The following FAM133B variants were observed in gnomAD, a reference collection of about 807,000 sequenced individuals.
The protein encoded by FAM133B is family with sequence similarity 133 member B.
Under a neutral mutation model 46.4 loss-of-function variants are expected in FAM133B, and 25 were observed. The ratio of observed to expected loss-of-function variants is 0.54; its 90% confidence interval spans 0.39 to 0.75. The LOEUF (loss-of-function observed/expected upper bound fraction) is 0.75, where lower values mean the gene tolerates loss of function less well. FAM133B is among the 30% of genes least tolerant of loss of function. FAM133B has a pLI of 0.00. For synonymous variants in FAM133B, 75 were observed against 86.0 expected, an observed-to-expected ratio of 0.87 and a Z score of 0.71; for missense variants, 205 against 277.6, an observed-to-expected ratio of 0.74 and a Z score of 1.86.
chr7:92,587,089 T>C (rs1301645175), intron 1 of FAM133B, among the ~76,000 whole-genome samples: 1 of 151,490 alleles, frequency 6.6e-6, no homozygotes, highest in Non-Finnish European at 1.5e-5. Context: ...TGGAGGTATA[T>C]GGGAACCCTC....
rs1795127613 is a variant in FAM133B, at chr7:92,589,468, T to C, written c.24+800A>G. Among the ~76,000 whole-genome samples the C allele has an allele frequency of 3.3e-5, 5 of 152,370 alleles. No individual in the cohort carries two copies. In the South Asian group the frequency reaches 1.0e-3, roughly 32 times the overall value. ...TCATTCACTAGAGTAATAATTTTCA[T>C]GCCCAGTACTCGCTCACACATCTTG... On this transcript the variant is annotated intron_variant, in intron 1 of 10. Coordinates refer to ENST00000445716, the MANE Select transcript of FAM133B (RefSeq NM_152789.4).
intron 2 of FAM133B, among the ~76,000 whole-genome samples, chr7:92,581,167 T>C (rs994336074): frequency 6.6e-6 from 1 of 152,256 alleles, no homozygotes; most frequent in Non-Finnish European, 1.5e-5. Context: ...TTATTCTTCC[T>C]GCTATCTGGT....
Position 92,589,284 on chromosome 7 carries a change from T to C in FAM133B, c.24+984A>G, listed in dbSNP as rs371250033. The stretch of plus-strand genomic sequence containing the variant: ...ATTCAATCTGATTCATAACCTGAGT[T>C]TTTCAGCCCCCTCCCCGCCCCAGCG... On this transcript the variant is annotated intron_variant, in intron 1 of 10. Transcript: ENST00000445716. Among the ~76,000 whole-genome samples, 12 of 152,254 alleles carry C rather than the reference T, an allele frequency of 7.9e-5. No homozygotes were observed. In the East Asian group the frequency reaches 1.9e-3, roughly 24 times the overall value.
chr7:92,588,010 A>G (rs1795085683), intron 1 of FAM133B, among the ~76,000 whole-genome samples: 1 of 152,236 alleles, frequency 6.6e-6, no homozygotes, highest in African/African-American at 2.4e-5. Context: ...ATCAAGAGTT[A>G]AGATGTACAG....
intron 10 of FAM133B, among the ~76,000 whole-genome samples, chr7:92,564,161 T>C (rs1273798436): frequency 2.0e-5 from 3 of 152,174 alleles, no homozygotes; most frequent in Middle Eastern, 3.2e-3. Flanking sequence ...CTCAAATATA[T>C]CAAGCTTATT....
chr7:92,578,501 C>T, intron 3 of FAM133B, 108 bp from the exon 4 acceptor site: 1 of 928,824 alleles, frequency 1.1e-6, no homozygotes, highest in Non-Finnish European at 1.7e-6. Context: ...ATACCTCTCA[C>T]CCATTTCAGC....
chr7:92,568,547 T>A (rs909796051), intron 9 of FAM133B, among the ~76,000 whole-genome samples: 86 of 145,996 alleles, frequency 5.9e-4, no homozygotes, highest in Non-Finnish European at 9.5e-4. Flanking sequence ...TTTTTTTTTT[T>A]AGCAGAGATG....
chr7:92,566,121 A>G, intron 9 of FAM133B, 60 bp from the exon 10 acceptor site: 1 of 1,524,656 alleles, frequency 6.6e-7, no homozygotes, highest in Non-Finnish European at 9.0e-7. Context: ...TACTCAAGGC[A>G]TTTTTCTTTC....
At chr7:92,577,900 CAT>C in intron 5 of FAM133B, 183 bp from the exon 6 acceptor site, 1 of 650,630 alleles carries the variant, frequency 1.5e-6, no homozygotes, top group Non-Finnish European at 2.7e-6. Context: ...AACAAGTTAA[CAT>C]ATGTGGCCAT....
At chr7:92,566,441 T>C (rs992173687) in intron 9 of FAM133B, among the ~76,000 whole-genome samples, 9 of 150,220 alleles carry the variant, frequency 6.0e-5, no homozygotes, top group African/African-American at 2.0e-4. Flanking sequence ...CTGAGCAACA[T>C]AGTGAGAGCT....
intron 10 of FAM133B, among the ~76,000 whole-genome samples, chr7:92,563,351 CT>C (rs1794217371): frequency 6.6e-6 from 1 of 152,138 alleles, no homozygotes; most frequent in Admixed American, 6.5e-5. Flanking sequence ...GTAATTTGGG[CT>C]TTTAAAACTA....
intron 1 of FAM133B, among the ~76,000 whole-genome samples, chr7:92,587,225 G>T (rs1418380589): frequency 6.6e-6 from 1 of 152,282 alleles, no homozygotes; most frequent in African/African-American, 2.4e-5. Context: ...TTAAAACTAT[G>T]ATTGTTTCAT....
chr7:92,575,529 T>A (rs1794667174), intron 8 of FAM133B, among the ~76,000 whole-genome samples: 1 of 152,232 alleles, frequency 6.6e-6, no homozygotes, highest in Non-Finnish European at 1.5e-5. Context: ...ATCTGCATTA[T>A]TTTGTATTTT....
intron 1 of FAM133B, 67 bp downstream of exon 1, chr7:92,590,201 C>G: frequency 2.5e-6 from 4 of 1,612,136 alleles, no homozygotes; most frequent in Middle Eastern, 1.7e-4. Flanking sequence ...CCGGGAACAG[C>G]GAGGGTTCTC....
chr7:92,575,050 A>C (rs1794653962), intron 8 of FAM133B, among the ~76,000 whole-genome samples: 1 of 152,262 alleles, frequency 6.6e-6, no homozygotes, highest in Non-Finnish European at 1.5e-5. Context: ...TAAGGTAGGC[A>C]TAAATTCTGC....
intron 9 of FAM133B, among the ~76,000 whole-genome samples, chr7:92,568,516 C>G (rs973319882): frequency 1.3e-5 from 2 of 149,026 alleles, no homozygotes; most frequent in African/African-American, 2.5e-5. Flanking sequence ...TGCCACCACG[C>G]CTGGCTAATT....
chr7:92,589,989 G>A (rs1393480716), intron 1 of FAM133B: 26 of 532,912 alleles, frequency 4.9e-5, no homozygotes, highest in South Asian at 4.7e-4. Context: ...GGCACTGGGG[G>A]CCCGCGTACA....
rs1283573051 is a variant in FAM133B at position 92,562,093 on chromosome 7, A to C, written c.*189T>G. The C allele has an allele frequency of 7.7e-6, 4 of 520,206 alleles. No homozygotes were observed. The highest frequency in any genetic ancestry group is 3.9e-5 in the African/African-American group (2 of 51,342). The allele number at this position is 520,206 out of a possible 1,614,324, so 32.2% of individuals were successfully genotyped here. ...CAAGCACTGGAAGAGAAAAAAATAG[A>C]TGTTCAAGCAGCAGGCAACATTTAT... On this transcript the variant is annotated 3_prime_UTR_variant, in exon 11 of 11. Coordinates refer to ENST00000445716, the MANE Select transcript of FAM133B (RefSeq NM_152789.4).
chr7:92,587,048 G>A (rs779288998), intron 1 of FAM133B, among the ~76,000 whole-genome samples: 1 of 152,154 alleles, frequency 6.6e-6, no homozygotes, highest in Non-Finnish European at 1.5e-5. Flanking sequence ...TGGTGCTGGC[G>A]AATGTTGATA....
Sources: gnomAD v4.1 joint callset for allele counts (sites outside exome capture counted in the v4.1 genomes callset) on GRCh38, gnomAD v4.1.1 for gene constraint, MANE v1.5 for transcripts, NCBI Gene and HGNC (gene_info 2026-07-23, HGNC 2026-07-21) for gene names.